ACOT1: variants seen among roughly 807,000 people sequenced by gnomAD.
The protein encoded by ACOT1 is acyl-coenzyme A thioesterase 1.
A neutral mutation model predicts 15.7 loss-of-function variants in ACOT1; 8 were observed. The ratio of observed to expected loss-of-function variants is 0.51; its 90% CI spans 0.30 to 0.92. The LOEUF (loss-of-function observed/expected upper bound fraction) is 0.92. Ranked by LOEUF, ACOT1 falls within the 40% of genes least tolerant of loss-of-function variation. The pLI is 0.06. For synonymous variants in ACOT1, 67 were observed against 241.2 expected, an observed-to-expected ratio of 0.28 and a Z score of 6.69; for missense variants, 151 against 539.4, an observed-to-expected ratio of 0.28 and a Z score of 7.13.
chr14:73,522,502 C>T, the ACOT1 span: 5 of 1,614,232 alleles, frequency 3.1e-6, no homozygotes, highest in Middle Eastern at 1.6e-4. Flanking sequence ...TGCTCTGGAT[C>T]CATCGGGCTG....
At chr14:73,492,935 C>CT in the ACOT1 span, 28 of 1,611,954 alleles carry the variant, frequency 1.7e-5, no homozygotes, top group South Asian at 3.1e-4. This position sits in a 1 kb window ranked among gnomAD's most constrained non-coding sequence, Gnocchi z 4.9. Context: ...GCCTCTAGCC[C>CT]TAAATTAGTT....
chr14:73,491,540 A>G, the ACOT1 span: 1 of 1,531,906 alleles, frequency 6.5e-7, no homozygotes, highest in Non-Finnish European at 8.7e-7. Flanking sequence ...GGTGGATAAC[A>G]CGGGTGGGGA....
At chr14:73,504,918 A>G in the ACOT1 span, among the ~76,000 whole-genome samples, 1 of 151,434 alleles carries the variant, frequency 6.6e-6, no homozygotes. Flanking sequence ...GAGCCCCACC[A>G]TCTTCACCGA....
At chr14:73,511,048 T>C in the ACOT1 span, among the ~76,000 whole-genome samples, 2 of 152,172 alleles carry the variant, frequency 1.3e-5, no homozygotes, top group Non-Finnish European at 2.9e-5. Context: ...TCTTATCAGG[T>C]GTTTAGGGGA....
chr14:73,519,076 T>C, the ACOT1 span: 1 of 1,614,104 alleles, frequency 6.2e-7, no homozygotes, highest in Non-Finnish European at 8.5e-7. Context: ...AGGGAAGACC[T>C]TAGATAGCTG....
the ACOT1 span, chr14:73,519,168 G>C: frequency 6.2e-7 from 1 of 1,609,392 alleles, no homozygotes; most frequent in South Asian, 1.1e-5. Context: ...CTTCATCTGT[G>C]AACAGACAAA....
chr14:73,516,641 C>A, the ACOT1 span, among the ~76,000 whole-genome samples: 1 of 152,180 alleles, frequency 6.6e-6, no homozygotes, highest in South Asian at 2.1e-4. Context: ...GGGTCCCTAA[C>A]CCCCAGGCCA....
the ACOT1 span, chr14:73,509,464 A>G: frequency 1.2e-6 from 2 of 1,613,874 alleles, no homozygotes; most frequent in East Asian, 2.2e-5. Context: ...CAAGTCCTGG[A>G]TGGTCTTGTC....
At chr14:73,525,690 C>T in the ACOT1 span, among the ~76,000 whole-genome samples, 5 of 152,152 alleles carry the variant, frequency 3.3e-5, no homozygotes, top group East Asian at 3.9e-4. Flanking sequence ...CGGTGGCTCA[C>T]GTCAGTAATC....
Position 73,543,065 on chromosome 14 carries a change from G to A in ACOT1, c.676G>A (p.Val226Ile), listed in dbSNP as rs1288728160. 5 of 1,531,736 alleles carry A rather than the reference G, an allele frequency of 3.3e-6. No individual in the cohort carries two copies. The highest frequency in any genetic ancestry group is 3.4e-4 in the Middle Eastern group (2 of 5,864). 94.9% of individuals were successfully genotyped at this position (1,531,736 alleles called of 1,614,324 possible). Residue 226 changes from valine (V) to isoleucine (I), a missense_variant, in exon 3 of 3, where the codon GTT (valine) becomes ATT (isoleucine). Transcript: ENST00000311148. ...CCTTTCTCAGGTAAAAGGTCCAGGAGTTGGGCTGCTTGGAATTTCCAAAGG... is the reference window on the plus strand; with the variant it reads ...CCTTTCTCAGGTAAAAGGTCCAGGAATTGGGCTGCTTGGAATTTCCAAAGG... ...LSHPEVKGPG[V>I]GLLGISKGGE...
upstream of ACOT1, among the ~76,000 whole-genome samples, chr14:73,535,469 CTTTTTTTTTTTTTTTTTTTTTTTTTT>C (rs869167008): frequency 6.0e-4 from 10 of 16,538 alleles, 2 homozygotes; most frequent in Admixed American, 0.011. Flanking sequence ...TTTCTTCTTT[CTTTTTTTTTTTTTTTTTTTTTTTTTT>C]TTTTTTTTTT....
At chr14:73,523,879 G>A in the ACOT1 span, among the ~76,000 whole-genome samples, 1 of 152,064 alleles carries the variant, frequency 6.6e-6, no homozygotes, top group African/African-American at 2.4e-5. Context: ...ATGATACCTC[G>A]CATTGTTAAA....
the ACOT1 span, among the ~76,000 whole-genome samples, chr14:73,496,268 C>A: frequency 8.6e-5 from 13 of 151,872 alleles, no homozygotes; most frequent in Non-Finnish European, 1.6e-4. Flanking sequence ...CTTCTCTATG[C>A]CTATTTGAAA....
the ACOT1 span, among the ~76,000 whole-genome samples, chr14:73,513,476 G>T: frequency 1.4e-5 from 2 of 147,668 alleles, no homozygotes; most frequent in East Asian, 2.0e-4. Flanking sequence ...AAGAAAAAAG[G>T]GCTGGCGCGG....
In ACOT1 at chr14:73,543,140, G is replaced by T; in HGVS notation, c.751G>T (p.Ala251Ser). 6.2e-7 allele frequency: 1 copy of T among 1,602,872 alleles called. No individual in the cohort carries two copies. The highest frequency in any genetic ancestry group is 8.5e-7 in the Non-Finnish European group (1 of 1,175,362). Reference sequence around the variant, plus strand: ...CTCTTTCCTGAAGGGCATCACGGCTGCTGTCGTCATCAACGGCTCTGTGGC... The same window carrying T: ...CTCTTTCCTGAAGGGCATCACGGCTTCTGTCGTCATCAACGGCTCTGTGGC... ...MASFLKGITA[A>S]VVINGSVANV... The change falls in exon 3 of 3, where the codon GCT becomes TCT. Residue 251 changes from alanine (A) to serine (S), a missense_variant. Ala to Ser is a moderately conservative substitution (Grantham distance 99, BLOSUM62 1). Transcript: ENST00000311148.
At chr14:73,494,881 A>C in the ACOT1 span, among the ~76,000 whole-genome samples, 3 of 152,114 alleles carry the variant, frequency 2.0e-5, no homozygotes, top group Non-Finnish European at 4.4e-5. Context: ...ACCACTATTA[A>C]GGTTAAGCTC....
In ACOT1 at chr14:73,537,768, C is replaced by A. The variant is rs780302043; in HGVS notation, c.347C>A (p.Pro116His). Residue 116 changes from proline (P) to histidine (H), a missense_variant, in exon 1 of 3, where the codon CCC (proline) becomes CAC (histidine). By Grantham distance (77) the Pro-to-His change is moderately conservative. Transcript: ENST00000311148. The stretch of plus-strand genomic sequence containing the variant: ...GTGCTGGATGGCCACGACCCCGACC[C>A]CGGGCGGCTGCTGTGCCGGGTGCGG... Reference protein sequence around the residue: ...LEVLDGHDPDPGRLLCRVRHE... With the variant: ...LEVLDGHDPDHGRLLCRVRHE... 3.4e-5 allele frequency: 42 copies of A among 1,235,852 alleles called. 11 individuals are homozygous for A. The highest frequency in any genetic ancestry group is 4.3e-5 in the Non-Finnish European group (40 of 934,900). The allele number at this position is 1,235,852 out of a possible 1,614,324, so 76.6% of individuals were successfully genotyped here.
chr14:73,543,201 C>T lies in ACOT1; in HGVS notation c.812C>T (p.Thr271Ile). Residue 271 changes from threonine to isoleucine, a missense_variant, in exon 3 of 3, where the codon ACC becomes ATC. Physicochemically the swap from Thr to Ile is moderately conservative, Grantham distance 89. Coordinates refer to ENST00000311148, the MANE Select transcript of ACOT1 (RefSeq NM_001037161.2). ...VGGTLRYKGE[T>I]LPPVGVNRNR... ...GGAACCTTACGCTACAAGGGCGAGA[C>T]CCTGCCCCCTGTGGGCGTCAACAGA... The T allele has an allele frequency of 2.5e-6, 4 of 1,604,816 alleles. No individual in the cohort carries two copies. Among genetic ancestry groups the T allele is most frequent in the South Asian group, 1.1e-5 (1 of 90,516 alleles).
the ACOT1 span, chr14:73,506,482 A>T: frequency 1.9e-6 from 3 of 1,613,462 alleles, no homozygotes; most frequent in Non-Finnish European, 2.5e-6. Flanking sequence ...AGACATTTCC[A>T]CTGATCCGGG....
Sources: gnomAD v4.1 joint callset for allele counts (sites outside exome capture counted in the v4.1 genomes callset) on GRCh38, gnomAD v4.1.1 for gene constraint, Gnocchi (gnomAD v3.1) non-coding constraint, MANE v1.5 for transcripts, NCBI Gene and HGNC (gene_info 2026-07-23, HGNC 2026-07-21) for gene names.